The following TNR variants were observed in gnomAD, a reference collection of about 807,000 sequenced individuals.
TNR encodes the protein tenascin R.
Under a neutral mutation model 150.4 loss-of-function variants are expected in TNR, and 45 were observed. That is an observed-to-expected ratio of 0.30 (90% CI 0.24 to 0.38). The LOEUF (loss-of-function observed/expected upper bound fraction) is 0.38. Ranked by LOEUF, TNR falls within the 10% of genes least tolerant of loss-of-function variation. The pLI, the probability that TNR is intolerant of heterozygous loss-of-function variation, is 1.00. For missense variants in TNR, 1,544 were observed against 1,759.1 expected, an observed-to-expected ratio of 0.88 and a Z score of 2.19; for synonymous variants, 687 against 678.4, an observed-to-expected ratio of 1.01 and a Z score of -0.20.
At chr1:175,351,884 T>C (rs1241681653) in intron 18 of TNR, among the ~76,000 whole-genome samples, 2 of 152,220 alleles carry the variant, frequency 1.3e-5, no homozygotes, top group African/African-American at 4.8e-5. Context: ...TGGGCTCTTC[T>C]GTTTTCCCCT....
chr1:175,536,817 G>A (rs374422661), intron 1 of TNR, among the ~76,000 whole-genome samples: 30 of 152,188 alleles, frequency 2.0e-4, no homozygotes, highest in African/African-American at 7.0e-4. Flanking sequence ...AGGATAATTA[G>A]CAAATATTAT....
At chr1:175,482,175 AAAGAACG>A (rs1657838623) in intron 2 of TNR, among the ~76,000 whole-genome samples, 1 of 152,254 alleles carries the variant, frequency 6.6e-6, no homozygotes. Flanking sequence ...TTGTTGAATG[AAAGAACG>A]AGTGAATGAA....
intron 1 of TNR, among the ~76,000 whole-genome samples, chr1:175,617,148 G>T (rs1467697924): frequency 6.6e-6 from 1 of 152,164 alleles, no homozygotes; most frequent in Non-Finnish European, 1.5e-5. Flanking sequence ...TCAATGGCAT[G>T]GTTAGAGTCC....
At position 175,321,753 on chromosome 1, in the gene TNR, G is replaced by C. The variant is rs530279340; in HGVS notation, c.*1604C>G. 3 of 152,148 alleles carry C rather than the reference G, an allele frequency of 2.0e-5. No individual in the cohort carries two copies. The highest frequency in any genetic ancestry group is 4.4e-5 in the Non-Finnish European group (3 of 68,036). The allele number at this position is 152,148 out of a possible 1,614,324, so 9.4% of individuals were successfully genotyped here. ...TCACCTATTCACCTTTGGATTTCTG[G>C]ATGTAATTTCCTTTGGCTATTGTCA... On this transcript the variant is annotated 3_prime_UTR_variant, in exon 23 of 23. Coordinates refer to ENST00000367674, the MANE Select transcript of TNR (RefSeq NM_003285.3).
chr1:175,655,267 T>C (rs1462931675), intron 1 of TNR, among the ~76,000 whole-genome samples: 1 of 152,224 alleles, frequency 6.6e-6, no homozygotes, highest in Admixed American at 6.5e-5. Flanking sequence ...AAACCATCCT[T>C]GTTGATATCT....
intron 2 of TNR, among the ~76,000 whole-genome samples, chr1:175,462,154 T>C (rs991993243): frequency 3.3e-5 from 5 of 152,240 alleles, no homozygotes; most frequent in African/African-American, 1.2e-4. Flanking sequence ...ATATGTTCAC[T>C]TCTAGTCCTT....
At chr1:175,731,339 A>G (rs1239880964) in intron 1 of TNR, among the ~76,000 whole-genome samples, 2 of 152,234 alleles carry the variant, frequency 1.3e-5, no homozygotes, top group Admixed American at 6.5e-5. Flanking sequence ...GAAACTCTAT[A>G]GTAATTCTAC....
chr1:175,713,337 T>C (rs1328610029), intron 1 of TNR, among the ~76,000 whole-genome samples: 1 of 152,166 alleles, frequency 6.6e-6, no homozygotes, highest in Non-Finnish European at 1.5e-5. Context: ...TAAACAACAC[T>C]CTTGCCCCTA....
chr1:175,445,323 G>C (rs1405805184), intron 2 of TNR, among the ~76,000 whole-genome samples: 1 of 152,310 alleles, frequency 6.6e-6, no homozygotes, highest in Admixed American at 6.5e-5. Flanking sequence ...GAGAGAGTTG[G>C]ATCAGATACC....
At chr1:175,677,401 CCT>C (rs1665895437) in intron 1 of TNR, among the ~76,000 whole-genome samples, 1 of 152,142 alleles carries the variant, frequency 6.6e-6, no homozygotes, top group African/African-American at 2.4e-5. Context: ...GCAAAGTGAT[CCT>C]CTGTTATTTT....
intron 1 of TNR, among the ~76,000 whole-genome samples, chr1:175,610,355 GCCAGACTCAGACTCT>G (rs1663553644): frequency 6.6e-6 from 1 of 152,210 alleles, no homozygotes; most frequent in African/African-American, 2.4e-5. Context: ...CCATGGCAAG[GCCAGACTCAGACTCT>G]CCAAATTCCC....
chr1:175,329,295 T>C (rs565606584), intron 21 of TNR, among the ~76,000 whole-genome samples: 9 of 152,274 alleles, frequency 5.9e-5, no homozygotes, highest in African/African-American at 1.9e-4. Flanking sequence ...AAAAAGCAGG[T>C]TTTGTGAAAT....
At chr1:175,568,183 G>A (rs1186985603) in intron 1 of TNR, among the ~76,000 whole-genome samples, 1 of 152,188 alleles carries the variant, frequency 6.6e-6, no homozygotes, top group African/African-American at 2.4e-5. Context: ...GCCCATTCAA[G>A]GACTGCTTTT....
chr1:175,668,397 A>T (rs1665593387), intron 1 of TNR, among the ~76,000 whole-genome samples: 1 of 152,056 alleles, frequency 6.6e-6, no homozygotes, highest in Non-Finnish European at 1.5e-5. Context: ...TTTCCTGCCA[A>T]CTGCTGTGTC....
intron 2 of TNR, among the ~76,000 whole-genome samples, chr1:175,486,188 A>G (rs1165752236): frequency 6.6e-6 from 1 of 151,230 alleles, no homozygotes; most frequent in Non-Finnish European, 1.5e-5. Flanking sequence ...GGTTTGTTGC[A>G]TCGGTATACA....
rs1195477813 is a variant in TNR at position 175,406,506 on chromosome 1, T to C, written c.209A>G (p.Asn70Ser). Residue 70 changes from asparagine (N) to serine (S), a missense_variant, in exon 3 of 23, where the codon AAC (asparagine) becomes AGC (serine). Physicochemically the swap from Asn to Ser is conservative, Grantham distance 46. This residue lies in a region of TNR where 1,254 missense variants were observed against 1,329.4 expected (regional missense o/e 0.94). Transcript: ENST00000367674. ...GAGGTTGTCCAAGGGCACGTTAATG[T>C]TGTACACGTGGTTGAAGACCACAGG... ...EQPVVFNHVY[N>S]INVPLDNLCS... is the part of the protein sequence containing the mutation. 1 of 1,614,176 alleles carries C rather than the reference T, an allele frequency of 6.2e-7. No homozygotes were observed. The highest frequency in any genetic ancestry group is 1.1e-5 in the South Asian group (1 of 91,082).
Position 175,365,942 on chromosome 1 carries a change from G to A in TNR, c.2250C>T (p.Tyr750=), listed in dbSNP as rs777512512. 1 of 1,614,142 alleles carries A rather than the reference G, an allele frequency of 6.2e-7. No individual in the cohort carries two copies. The highest frequency in any genetic ancestry group is 1.1e-5 in the South Asian group (1 of 91,074). Residue 750 remains tyrosine, a synonymous_variant, in exon 11 of 23, where the codon TAC becomes TAT. Transcript: ENST00000367674. Reference sequence around the variant, plus strand: ...CCCTCTCAGCAGTGACGGAAATGATGTACTCTGCCCCAGGCTCTAGATCTG... The same window carrying A: ...CCCTCTCAGCAGTGACGGAAATGATATACTCTGCCCCAGGCTCTAGATCTG... ...TLTDLEPGAE[Y]IISVTAERGR...
chr1:175,698,944 A>T (rs1485591590), intron 1 of TNR, among the ~76,000 whole-genome samples: 4 of 152,216 alleles, frequency 2.6e-5, no homozygotes, highest in African/African-American at 9.6e-5. Flanking sequence ...GCAGAAAAAC[A>T]ATATGATCTA....
intron 1 of TNR, among the ~76,000 whole-genome samples, chr1:175,656,829 G>A (rs183956545): frequency 1.4e-4 from 22 of 152,160 alleles, no homozygotes; most frequent in Non-Finnish European, 5.9e-5. Context: ...TTGAAGTTTT[G>A]TGTGTGTGGT....
Sources: allele counts gnomAD v4.1 joint callset (sites outside exome capture counted in the v4.1 genomes callset), GRCh38; gene constraint gnomAD v4.1.1; regional missense constraint gnomAD v4.1.1; transcripts MANE v1.5; gene names NCBI Gene and HGNC (gene_info 2026-07-23, HGNC 2026-07-21).